DNAJB4: variants seen among roughly 807,000 people sequenced by gnomAD.
DNAJB4 encodes the protein dnaJ homolog subfamily B member 4.
In DNAJB4, 10 loss-of-function variants were observed where a neutral mutation model predicts 26.6. That is an observed-to-expected ratio of 0.38 (90% CI 0.23 to 0.64). The LOEUF is 0.64. Ranked by LOEUF, DNAJB4 falls within the 30% of genes least tolerant of loss-of-function variation. The pLI is 0.58. For synonymous variants in DNAJB4, 136 were observed against 134.8 expected (o/e 1.01, Z -0.06); for missense variants, 328 against 408.2 (o/e 0.80, Z 1.69).
chr1:77,987,611 C>T (rs1436255965), intron 1 of DNAJB4, among the ~76,000 whole-genome samples: 1 of 152,094 alleles, frequency 6.6e-6, no homozygotes, highest in Non-Finnish European at 1.5e-5. Context: ...TCTCCCTTCT[C>T]CCCTCTCTAT....
chr1:77,988,158 G>A (rs867378281), intron 1 of DNAJB4, among the ~76,000 whole-genome samples: 1 of 151,364 alleles, frequency 6.6e-6, no homozygotes, highest in African/African-American at 2.4e-5. Context: ...AGTAGCTAGG[G>A]TTACAGGCAT....
chr1:78,011,357 T>G (rs765644519), intron 1 of DNAJB4, among the ~76,000 whole-genome samples: 1 of 152,154 alleles, frequency 6.6e-6, no homozygotes. Context: ...TGCTAAGATG[T>G]GATATGCCTA....
At chr1:77,982,232 C>T (rs776818080) in intron 1 of DNAJB4, among the ~76,000 whole-genome samples, 1 of 152,182 alleles carries the variant, frequency 6.6e-6, no homozygotes, top group Non-Finnish European at 1.5e-5. Context: ...CAAACAGCTA[C>T]CTACAAAACT....
chr1:78,003,372 A>G (rs531997642), upstream of DNAJB4, among the ~76,000 whole-genome samples: 27 of 152,322 alleles, frequency 1.8e-4, no homozygotes, highest in African/African-American at 5.1e-4. Flanking sequence ...GGCTAGATCA[A>G]TGTTATACAT....
chr1:78,005,191 A>G lies in DNAJB4; in HGVS notation c.81A>G (p.Gln27=). 1.2e-6 allele frequency: 2 copies of G among 1,614,166 alleles called. No individual in the cohort carries two copies. The highest frequency in any genetic ancestry group is 1.7e-6 in the Non-Finnish European group (2 of 1,180,004). ...DEDIKKAYRK[Q]ALKFHPDKNK... ...ATATTAAAAAGGCTTACCGAAAACA[A>G]GCCCTCAAATTTCATCCGGACAAGA... Residue 27 remains glutamine, a synonymous_variant, in exon 1 of 3, where the codon CAA becomes CAG. Coordinates refer to ENST00000370763, the MANE Select transcript of DNAJB4 (RefSeq NM_007034.5).
At chr1:78,010,199 C>T (rs1660431803) in intron 1 of DNAJB4, among the ~76,000 whole-genome samples, 1 of 151,880 alleles carries the variant, frequency 6.6e-6, no homozygotes, top group South Asian at 2.1e-4. Flanking sequence ...ATTATGGGTG[C>T]AAGTATTTAA....
At chr1:77,983,272 T>C (rs1258046282) in intron 1 of DNAJB4, among the ~76,000 whole-genome samples, 2 of 152,254 alleles carry the variant, frequency 1.3e-5, no homozygotes, top group Non-Finnish European at 2.9e-5. Flanking sequence ...GGTTTTTCCC[T>C]ATCTCAGTAG....
Position 78,016,049 on chromosome 1 carries a change from G to A in DNAJB4, c.816G>A (p.Leu272=), listed in dbSNP as rs762302849. The change falls in exon 3 of 3, where the codon CTG becomes CTA. Residue 272 remains leucine (L), a synonymous_variant. Transcript: ENST00000370763. ...GCTGCTCAATTAATGTACCAACACT[G>A]GATGGAAGAAACATACCTATGTCAG... The part of the protein sequence containing the change: ...LCGCSINVPT[L]DGRNIPMSVN... 3.7e-6 allele frequency: 6 copies of A among 1,613,944 alleles called. No individual in the cohort carries two copies. Among genetic ancestry groups the A allele is most frequent in the Middle Eastern group, 1.7e-4 (1 of 6,060 alleles).
At chr1:77,993,200 C>T (rs1170790085) in intron 1 of DNAJB4, among the ~76,000 whole-genome samples, 2 of 152,156 alleles carry the variant, frequency 1.3e-5, no homozygotes, top group African/African-American at 4.8e-5. Context: ...CTATTTTAGG[C>T]CTTGTGGGCC....
intron 1 of DNAJB4, among the ~76,000 whole-genome samples, chr1:78,007,370 C>T (rs1161600122): frequency 6.6e-6 from 1 of 152,060 alleles, no homozygotes; most frequent in Admixed American, 6.5e-5. Context: ...CACCTGAGGT[C>T]AGGAGTTCGA....
intron 2 of DNAJB4, among the ~76,000 whole-genome samples, chr1:78,015,675 G>A (rs1349632995): frequency 1.3e-5 from 2 of 149,908 alleles, no homozygotes; most frequent in African/African-American, 2.5e-5. Context: ...TCAGCTTCCC[G>A]AGTAGCTGGG....
intron 1 of DNAJB4, among the ~76,000 whole-genome samples, chr1:77,982,047 C>A (rs982072897): frequency 1.2e-4 from 18 of 152,190 alleles, no homozygotes; most frequent in Non-Finnish European, 2.4e-4. Flanking sequence ...AAGTTTGGGA[C>A]TCCTGAAAGC....
chr1:77,985,123 CTTTACTGACAACA>C (rs1038582821), intron 1 of DNAJB4, among the ~76,000 whole-genome samples: 10 of 152,238 alleles, frequency 6.6e-5, no homozygotes, highest in East Asian at 1.9e-4. Context: ...GGATGTCTAC[CTTTACTGACAACA>C]TTTACTGACA....
At chr1:78,011,432 GTCC>G (rs761043461) in intron 1 of DNAJB4, among the ~76,000 whole-genome samples, 1 of 151,522 alleles carries the variant, frequency 6.6e-6, no homozygotes, top group Non-Finnish European at 1.5e-5. Context: ...TTCATAGAAT[GTCC>G]TCATTATTAG....
intron 1 of DNAJB4, among the ~76,000 whole-genome samples, chr1:78,005,800 T>A (rs1660316637): frequency 6.6e-6 from 1 of 152,216 alleles, no homozygotes; most frequent in Non-Finnish European, 1.5e-5. Context: ...AAAAGTAGTT[T>A]TTTGCCTTTC....
intron 1 of DNAJB4, among the ~76,000 whole-genome samples, chr1:78,005,980 T>G (rs968330804): frequency 1.3e-5 from 2 of 152,214 alleles, no homozygotes; most frequent in Non-Finnish European, 2.9e-5. Context: ...AAACAATAAT[T>G]TTGTGCCAAG....
intron 1 of DNAJB4, chr1:77,981,223 G>C (rs530743950): frequency 9.5e-5 from 14 of 147,564 alleles, no homozygotes; most frequent in African/African-American, 2.8e-4. Context: ...GCAGTGGCAC[G>C]ATCTTGGCTC....
intron 1 of DNAJB4, among the ~76,000 whole-genome samples, chr1:78,011,467 CAG>C (rs956452301): frequency 8.0e-4 from 120 of 149,914 alleles, no homozygotes; most frequent in African/African-American, 2.8e-3. Context: ...CTCTCTGACA[CAG>C]AGTTCTATTT....
intron 2 of DNAJB4, among the ~76,000 whole-genome samples, chr1:78,015,499 A>AT (rs1449327429): frequency 8.6e-6 from 1 of 116,946 alleles, no homozygotes; most frequent in Admixed American, 8.4e-5. Context: ...TCCTGAAGGA[A>AT]TTTTCCTTTT....
Sources: allele counts gnomAD v4.1 joint callset (sites outside exome capture counted in the v4.1 genomes callset), GRCh38; gene constraint gnomAD v4.1.1; transcripts MANE v1.5; gene names NCBI Gene and HGNC (gene_info 2026-07-23, HGNC 2026-07-21).